The following POGLUT2 variants were observed in gnomAD, a reference collection of about 807,000 sequenced individuals.
POGLUT2 encodes the protein ER protein 58.
Under a neutral mutation model 57.6 loss-of-function variants are expected in POGLUT2, and 47 were observed. The ratio of observed to expected loss-of-function variants is 0.82; its 90% CI spans 0.65 to 1.04. The LOEUF is 1.04. Ranked by LOEUF, POGLUT2 falls within the 50% of genes least tolerant of loss-of-function variation. POGLUT2 has a pLI of 0.00. For missense variants in POGLUT2, 565 were observed against 614.8 expected (o/e 0.92, Z 0.86); for synonymous variants, 200 against 218.8 (o/e 0.91, Z 0.76).
rs955910637 is a variant in POGLUT2 at position 102,787,398 on chromosome 13, C to T, written c.1383+436G>A. Among the ~76,000 whole-genome samples, 10 of 152,286 alleles carry T rather than the reference C, an allele frequency of 6.6e-5. No individual in the cohort carries two copies. The East Asian group carries it at 9.7e-4, about 15-fold the overall frequency. ...TTAAATCGTCGGATATGCTTGATTA[C>T]AATCTCTAAATGCTTAGGTCCATGG... On this transcript the variant is annotated intron_variant, in intron 8 of 9. Coordinates refer to ENST00000376004, the MANE Select transcript of POGLUT2 (RefSeq NM_024089.3).
At chr13:102,784,648 T>A (rs1312714699) in intron 9 of POGLUT2, 136 bp from the exon 10 acceptor site, 4 of 619,354 alleles carry the variant, frequency 6.5e-6, no homozygotes, top group Non-Finnish European at 1.2e-5. Context: ...GGCTTGGGAC[T>A]ATTTCCAGAG....
intron 8 of POGLUT2, among the ~76,000 whole-genome samples, chr13:102,786,665 A>G (rs1278476366): frequency 6.6e-6 from 1 of 152,158 alleles, no homozygotes; most frequent in Non-Finnish European, 1.5e-5. Flanking sequence ...GTGAAGACAG[A>G]GACTATTCTG....
rs774978708 is a variant in POGLUT2 at position 102,798,698 on chromosome 13, A to C, written c.-28T>G. On this transcript the variant is annotated 5_prime_UTR_variant, in exon 1 of 10. Transcript: ENST00000376004. ...ACAAGACGGACTCTCGAAATGATCC[A>C]CCGATAAATGAAGAAGTGTAAGAGG... 4 of 1,560,572 alleles carry C rather than the reference A, an allele frequency of 2.6e-6. No individual in the cohort carries two copies. The East Asian group carries it at 9.3e-5, about 36-fold the overall frequency.
chr13:102,787,449 C>A (rs765485675), intron 8 of POGLUT2, among the ~76,000 whole-genome samples: 7 of 152,168 alleles, frequency 4.6e-5, no homozygotes, highest in Non-Finnish European at 1.0e-4. Flanking sequence ...GAAGTCATGG[C>A]TCATACAGAG....
chr13:102,786,398 G>A (rs1877943170), intron 8 of POGLUT2, 59 bp from the exon 9 acceptor site: 1 of 1,048,026 alleles, frequency 9.5e-7, no homozygotes, highest in Admixed American at 1.7e-5. Context: ...CACCCAATGA[G>A]AGAGGCTAGA....
rs374529482 is a variant in POGLUT2 at position 102,786,315 on chromosome 13, C to T, written c.1408G>A (p.Glu470Lys). 14 of 1,613,366 alleles carry T rather than the reference C, an allele frequency of 8.7e-6. No homozygotes were observed. The highest frequency in any genetic ancestry group is 5.0e-5 in the Admixed American group (3 of 60,000). The change falls in exon 9 of 10, where the codon GAG becomes AAG. Residue 470 changes from glutamate (E) to lysine (K), a missense_variant. Transcript: ENST00000376004. ...FQEYANLQVSEPQIREGMKRV... is the reference protein window; with the variant it reads ...FQEYANLQVSKPQIREGMKRV... ...TTCATGCCCTCTCGGATTTGGGGCT[C>T]ACTCACTTGTAAATTGGCATATTCC...
intron 1 of POGLUT2, among the ~76,000 whole-genome samples, chr13:102,797,381 T>C (rs1192167677): frequency 6.6e-6 from 1 of 152,206 alleles, no homozygotes; most frequent in Non-Finnish European, 1.5e-5. Flanking sequence ...CCAAAGATAA[T>C]GATCTTATTT....
At chr13:102,797,440 C>T (rs1249771126) in intron 1 of POGLUT2, among the ~76,000 whole-genome samples, 5 of 152,188 alleles carry the variant, frequency 3.3e-5, no homozygotes, top group African/African-American at 7.2e-5. Context: ...TTATAAATCA[C>T]GCTCAGGCCT....
At chr13:102,784,828 T>C (rs1243910335) in intron 9 of POGLUT2, among the ~76,000 whole-genome samples, 1 of 152,212 alleles carries the variant, frequency 6.6e-6, no homozygotes, top group African/African-American at 2.4e-5. Flanking sequence ...TTCTGGCCCC[T>C]AACTTCTACT....
At chr13:102,789,582 G>A (rs748934292) in intron 6 of POGLUT2, among the ~76,000 whole-genome samples, 2 of 152,112 alleles carry the variant, frequency 1.3e-5, no homozygotes, top group Admixed American at 6.6e-5. Flanking sequence ...CATATTCTGA[G>A]CCATGTTAAC....
chr13:102,798,379 C>G (rs1878524570), intron 1 of POGLUT2, 110 bp downstream of exon 1: 6 of 998,926 alleles, frequency 6.0e-6, no homozygotes, highest in East Asian at 5.1e-5. Flanking sequence ...ACCAAATATC[C>G]TGGAATATAA....
intron 8 of POGLUT2, among the ~76,000 whole-genome samples, chr13:102,787,044 T>TG (rs1394790893): frequency 4.8e-4 from 73 of 151,600 alleles, no homozygotes; most frequent in South Asian, 2.1e-3. Flanking sequence ...GTTTTTTTTT[T>TG]TTTGTTTGTT....
chr13:102,795,250 C>CAAAAAAAAA (rs58015405), intron 2 of POGLUT2, among the ~76,000 whole-genome samples: 8 of 42,624 alleles, frequency 1.9e-4, no homozygotes, highest in East Asian at 6.5e-4. Flanking sequence ...GACATCGTCT[C>CAAAAAAAAA]AAAAAAAAAA....
chr13:102,786,753 C>T (rs1285552203), intron 8 of POGLUT2, among the ~76,000 whole-genome samples: 1 of 152,150 alleles, frequency 6.6e-6, no homozygotes, highest in Non-Finnish European at 1.5e-5. Context: ...AAGCACTGTG[C>T]TAAGTACCTA....
At chr13:102,796,486 A>G (rs923302382) in intron 2 of POGLUT2, among the ~76,000 whole-genome samples, 9 of 151,086 alleles carry the variant, frequency 6.0e-5, no homozygotes, top group African/African-American at 1.9e-4. Flanking sequence ...ATATATTTCC[A>G]ATTAAGAAAG....
chr13:102,790,900 C>A lies in POGLUT2; in HGVS notation c.1083+1G>T. Reference sequence around the variant, plus strand: ...AAGATTAGCTACTGATTAAGTCATACCTTGAAGAAATCAAAAAATGAAATA... The same window carrying A: ...AAGATTAGCTACTGATTAAGTCATAACTTGAAGAAATCAAAAAATGAAATA... On this transcript the variant is annotated splice_donor_variant, in intron 6 of 9. Transcript: ENST00000376004. LOFTEE classifies it high-confidence loss of function. 6.4e-7 allele frequency: 1 copy of A among 1,558,976 alleles called. No individual in the cohort carries two copies. Among genetic ancestry groups the A allele is most frequent in the Non-Finnish European group, 8.9e-7 (1 of 1,129,906 alleles).
At chr13:102,794,630 G>A (rs1452766663) in intron 2 of POGLUT2, among the ~76,000 whole-genome samples, 1 of 152,156 alleles carries the variant, frequency 6.6e-6, no homozygotes, top group Non-Finnish European at 1.5e-5. Context: ...GTGCCACTGT[G>A]CTCCAGCTTG....
intron 8 of POGLUT2, 85 bp downstream of exon 8, chr13:102,787,749 G>A (rs975149780): frequency 1.5e-6 from 1 of 659,732 alleles, no homozygotes; most frequent in East Asian, 2.8e-5. Context: ...AGTAACATAT[G>A]TTTAGAAATT....
intron 7 of POGLUT2, among the ~76,000 whole-genome samples, chr13:102,788,129 G>A (rs1166834922): frequency 2.0e-5 from 3 of 152,210 alleles, no homozygotes; most frequent in African/African-American, 4.8e-5. Flanking sequence ...AGTTTGAAAA[G>A]TCATATTGGA....
Sources: allele counts gnomAD v4.1 joint callset (sites outside exome capture counted in the v4.1 genomes callset), GRCh38; gene constraint gnomAD v4.1.1; transcripts MANE v1.5; gene names NCBI Gene and HGNC (gene_info 2026-07-23, HGNC 2026-07-21).